Variants in L3HYPDH observed in about 807,000 individuals in gnomAD.
The protein encoded by L3HYPDH is trans-L-3-hydroxyproline dehydratase.
A neutral mutation model predicts 26.5 loss-of-function variants in L3HYPDH; 32 were observed. The observed-to-expected ratio is 1.21, with a 90% CI of 0.91 to 1.62. L3HYPDH has a LOEUF of 1.62. Among genes scored for constraint, L3HYPDH ranks in the 40% most tolerant of loss-of-function variants. L3HYPDH has a pLI of 0.00. For missense variants in L3HYPDH, 554 were observed against 476.4 expected, an observed-to-expected ratio of 1.16 and a Z score of -1.52; for synonymous variants, 215 against 196.6, an observed-to-expected ratio of 1.09 and a Z score of -0.78.
At chr14:59,500,551 CTT>C in the L3HYPDH span, among the ~76,000 whole-genome samples, 3 of 152,144 alleles carry the variant, frequency 2.0e-5, no homozygotes, top group Non-Finnish European at 4.4e-5. Flanking sequence ...TGAATGATCT[CTT>C]TATCCTTTAA....
At chr14:59,495,127 C>T in the L3HYPDH span, 2 of 1,613,284 alleles carry the variant, frequency 1.2e-6, no homozygotes, top group Non-Finnish European at 1.7e-6. Context: ...TCGTTCATGT[C>T]GAGTATTGAT....
intron 4 of L3HYPDH, chr14:59,474,639 CACTA>C (rs749907165): frequency 9.9e-5 from 59 of 597,930 alleles, no homozygotes; most frequent in South Asian, 2.9e-4. Context: ...ATCTGCTACT[CACTA>C]ACTAACCTCT....
At chr14:59,468,857 A>G (rs576787129), downstream of L3HYPDH, among the ~76,000 whole-genome samples, 1 of 152,242 alleles carries the variant, frequency 6.6e-6, no homozygotes, top group African/African-American at 2.4e-5. Context: ...TCTGAAGTGG[A>G]CCTTTGCAGT....
chr14:59,483,445 C>T, intron 1 of L3HYPDH: 1 of 1,088,060 alleles, frequency 9.2e-7, no homozygotes. Context: ...GCCTGGAACC[C>T]TGGTACATTG....
chr14:59,480,198 G>T (rs746631218), intron 1 of L3HYPDH, among the ~76,000 whole-genome samples: 21 of 152,178 alleles, frequency 1.4e-4, no homozygotes, highest in Non-Finnish European at 2.4e-4. Context: ...GACATCTGTT[G>T]GCAAAGGAGT....
upstream of L3HYPDH, chr14:59,484,750 T>A (rs1594925744): frequency 1.2e-5 from 13 of 1,047,240 alleles, no homozygotes; most frequent in East Asian, 1.3e-4. Flanking sequence ...TCCGCACTCC[T>A]GCGGGGTTGG....
Position 59,483,806 on chromosome 14 carries a change from T to C in L3HYPDH, c.508+3A>G, listed in dbSNP as rs769734430. ...CCTGGGCTGGAAAGGTCCCGCCCATTACCTGTGGCCAGCACGAAGGCCGGG... is the reference window on the plus strand; with the variant it reads ...CCTGGGCTGGAAAGGTCCCGCCCATCACCTGTGGCCAGCACGAAGGCCGGG... On this transcript the variant is annotated splice_donor_region_variant and intron_variant, in intron 1 of 4. Coordinates refer to ENST00000247194, the MANE Select transcript of L3HYPDH (RefSeq NM_144581.2). 54 of 1,592,826 alleles carry C rather than the reference T, an allele frequency of 3.4e-5. No individual in the cohort carries two copies. In the Middle Eastern group the frequency reaches 1.5e-3, roughly 44 times the overall value.
chr14:59,487,439 A>C (rs1287935585), upstream of L3HYPDH: 8 of 358,156 alleles, frequency 2.2e-5, no homozygotes, highest in East Asian at 3.5e-4. Context: ...ATTGAATGTT[A>C]GTCAACTATT....
At chr14:59,480,790 A>C (rs1262129) in intron 1 of L3HYPDH, among the ~76,000 whole-genome samples, 82,295 of 152,084 alleles carry the variant, frequency 0.54, 24,604 homozygotes, top group African/African-American at 0.8. Context: ...AAAACTGAAT[A>C]AAAAATGTCT....
chr14:59,474,598 G>A, intron 4 of L3HYPDH: 1 of 687,322 alleles, frequency 1.5e-6, no homozygotes, highest in Admixed American at 2.1e-5. Flanking sequence ...ACAGCATGTG[G>A]TCTGTTCAGA....
upstream of L3HYPDH, chr14:59,485,206 G>A: frequency 1.4e-6 from 2 of 1,403,952 alleles, no homozygotes; most frequent in Non-Finnish European, 2.0e-6. Flanking sequence ...TGATATTCAC[G>A]TGTATTTATT....
At chr14:59,493,033 C>T in the L3HYPDH span, among the ~76,000 whole-genome samples, 2 of 151,882 alleles carry the variant, frequency 1.3e-5, no homozygotes, top group African/African-American at 2.4e-5. Context: ...TTCCTGACCT[C>T]GTGATCCACC....
chr14:59,484,485 G>C, upstream of L3HYPDH: 1 of 1,460,548 alleles, frequency 6.8e-7, no homozygotes, highest in African/African-American at 1.4e-5. Context: ...CTGTCGCCCG[G>C]GTTACCGGGA....
At chr14:59,476,776 G>C (rs1451096556) in intron 2 of L3HYPDH, among the ~76,000 whole-genome samples, 1 of 152,224 alleles carries the variant, frequency 6.6e-6, no homozygotes, top group Non-Finnish European at 1.5e-5. Flanking sequence ...TGTAGACGAT[G>C]AAGTCAGTTG....
chr14:59,483,679 CCTTT>C lies in L3HYPDH; in HGVS notation c.508+126_508+129del, dbSNP rs759692247. 2.3e-5 allele frequency: 34 copies of C among 1,464,244 alleles called. No individual in the cohort carries two copies. The South Asian group carries it at 3.6e-4, about 15-fold the overall frequency. The allele number at this position is 1,464,244 out of a possible 1,614,324, so 90.7% of individuals were successfully genotyped here. ...GCTGACACACGTTGGCAGTGATTTACCTTTCTATTAATTGCAAGGTTTCGCGGAG... is the reference window on the plus strand; with the variant it reads ...GCTGACACACGTTGGCAGTGATTTACCTATTAATTGCAAGGTTTCGCGGAG... On this transcript the variant is annotated intron_variant, in intron 1 of 4. Transcript: ENST00000247194.
At chr14:59,496,283 A>G in the L3HYPDH span, among the ~76,000 whole-genome samples, 2 of 150,870 alleles carry the variant, frequency 1.3e-5, no homozygotes, top group African/African-American at 4.9e-5. Flanking sequence ...ATAAAATACT[A>G]TATAAAACAC....
Position 59,476,201 on chromosome 14 carries a change from T to C in L3HYPDH, c.692A>G (p.His231Arg). 2 of 1,586,700 alleles carry C rather than the reference T, an allele frequency of 1.3e-6. No individual in the cohort carries two copies. The highest frequency in any genetic ancestry group is 1.7e-6 in the Non-Finnish European group (2 of 1,165,716). ...EAVKAQFKINHPDSEDLAFLY... is the reference protein window; with the variant it reads ...EAVKAQFKINRPDSEDLAFLY... The stretch of plus-strand genomic sequence containing the variant: ...AAAGGCAAGGTCTTCACTATCAGGA[T>C]GATTAATTTTAAACTGCAAGTAACA... Residue 231 changes from histidine to arginine, a missense_variant, in exon 3 of 5, where the codon CAT (histidine) becomes CGT (arginine). Transcript: ENST00000247194.
At chr14:59,504,346 T>C in the L3HYPDH span, 3 of 384,756 alleles carry the variant, frequency 7.8e-6, no homozygotes, top group African/African-American at 4.1e-5. Flanking sequence ...AGCTGTTCTT[T>C]AGGGCAAAAT....
chr14:59,498,970 T>C, the L3HYPDH span: 4 of 877,204 alleles, frequency 4.6e-6, no homozygotes, highest in African/African-American at 1.8e-5. Context: ...ATATTTCCTC[T>C]AGATTTAATT....
Sources: gnomAD v4.1 joint callset for allele counts (sites outside exome capture counted in the v4.1 genomes callset) on GRCh38, gnomAD v4.1.1 for gene constraint, MANE v1.5 for transcripts, NCBI Gene and HGNC (gene_info 2026-07-23, HGNC 2026-07-21) for gene names.